TRAPPC9: variants seen among roughly 807,000 people sequenced by gnomAD.
The protein encoded by TRAPPC9 is trafficking protein particle complex subunit 9.
TRAPPC9 carries 83 observed loss-of-function variants against 124.0 expected under a neutral mutation model. That is an observed-to-expected ratio of 0.67 (90% confidence interval 0.56 to 0.80). TRAPPC9 has a LOEUF of 0.80. TRAPPC9 is among the 30% of genes least tolerant of loss of function. The pLI, the probability that TRAPPC9 is intolerant of heterozygous loss-of-function variation, is 0.00. For synonymous variants in TRAPPC9, 638 were observed against 617.5 expected, an observed-to-expected ratio of 1.03 and a Z score of -0.49; for missense variants, 1,302 against 1,508.3, an observed-to-expected ratio of 0.86 and a Z score of 2.27.
chr8:140,284,082 C>T (rs1370907203), intron 13 of TRAPPC9, 61 bp from the exon 14 acceptor site: 1 of 1,608,618 alleles, frequency 6.2e-7, no homozygotes, highest in African/African-American at 1.3e-5. Context: ...ACGCCCACGG[C>T]TGAAGCAGTG....
intron 9 of TRAPPC9, among the ~76,000 whole-genome samples, chr8:140,312,206 G>T (rs2066315823): frequency 6.6e-6 from 1 of 152,258 alleles, no homozygotes. Context: ...TGGGAGGGGT[G>T]TGAACAAGGA....
intron 16 of TRAPPC9, among the ~76,000 whole-genome samples, chr8:140,243,006 G>C (rs1311847958): frequency 1.3e-5 from 2 of 152,188 alleles, no homozygotes; most frequent in African/African-American, 4.8e-5. Flanking sequence ...AAGAGGATTT[G>C]GGCATATCGG....
upstream of TRAPPC9, chr8:140,458,523 C>A (rs771392702): frequency 1.3e-6 from 2 of 1,583,788 alleles, no homozygotes; most frequent in South Asian, 1.1e-5. Context: ...GGGCCGGCTT[C>A]CCCCTGTGTG....
intron 21 of TRAPPC9, among the ~76,000 whole-genome samples, chr8:139,856,362 A>G (rs1827798022): frequency 1.3e-5 from 2 of 152,076 alleles, no homozygotes; most frequent in Non-Finnish European, 2.9e-5. Flanking sequence ...TCCTGAAGCC[A>G]TCTCTGCTCC....
chr8:140,003,703 C>T (rs1235887383), intron 18 of TRAPPC9, among the ~76,000 whole-genome samples: 1 of 151,748 alleles, frequency 6.6e-6, no homozygotes, highest in Non-Finnish European at 1.5e-5. Flanking sequence ...GACAATACCA[C>T]ATGCTGATGA....
chr8:140,386,926 G>T (rs191158475), intron 7 of TRAPPC9, among the ~76,000 whole-genome samples: 5,163 of 152,200 alleles, frequency 0.034, 183 homozygotes, highest in African/African-American at 0.091. Flanking sequence ...ATACTACAAG[G>T]CTACAGTAAC....
chr8:140,345,883 G>A (rs555815146), intron 9 of TRAPPC9, among the ~76,000 whole-genome samples: 4 of 152,146 alleles, frequency 2.6e-5, no homozygotes, highest in Non-Finnish European at 5.9e-5. Context: ...GGACCACCTG[G>A]GGCCTGGGCC....
intron 18 of TRAPPC9, among the ~76,000 whole-genome samples, chr8:140,003,700 C>A (rs1365723086): frequency 6.6e-6 from 1 of 151,514 alleles, no homozygotes; most frequent in African/African-American, 2.4e-5. Context: ...ACTGACAATA[C>A]CACATGCTGA....
At chr8:139,956,737 G>C (rs140066213) in intron 19 of TRAPPC9, among the ~76,000 whole-genome samples, 34 of 152,302 alleles carry the variant, frequency 2.2e-4, no homozygotes, top group African/African-American at 7.7e-4. Context: ...TCCCGGCTCC[G>C]CGTAGACTCG....
chr8:139,820,007 CAAAAAAAAAAAAAAA>C (rs35064399), intron 21 of TRAPPC9, among the ~76,000 whole-genome samples: 1 of 51,810 alleles, frequency 1.9e-5, no homozygotes, highest in Non-Finnish European at 3.3e-5. Context: ...GACTCTGTCT[CAAAAAAAAAAAAAAA>C]AAAAAAAAAG....
chr8:140,275,345 T>C (rs894817357), intron 15 of TRAPPC9, among the ~76,000 whole-genome samples: 3 of 152,196 alleles, frequency 2.0e-5, no homozygotes, highest in Non-Finnish European at 2.9e-5. Flanking sequence ...AAGAAATAGT[T>C]CTGCTGAGTA....
At chr8:139,857,393 C>A (rs763921174) in intron 21 of TRAPPC9, among the ~76,000 whole-genome samples, 1 of 152,218 alleles carries the variant, frequency 6.6e-6, no homozygotes, top group Non-Finnish European at 1.5e-5. Flanking sequence ...GAGTGCGATT[C>A]TCCCCACATC....
chr8:140,059,973 G>A (rs1262481130), intron 17 of TRAPPC9, among the ~76,000 whole-genome samples: 2 of 152,160 alleles, frequency 1.3e-5, no homozygotes, highest in Non-Finnish European at 2.9e-5. Context: ...TTCTGAGTCT[G>A]CTTCCAGTGA....
chr8:140,107,116 A>G lies in TRAPPC9; in HGVS notation c.2557-83037T>C, dbSNP rs149358511. Reference sequence around the variant, plus strand: ...GATTCAAAGAAGTCCTTGGCCAAAAATACAGCAAGGACCACCATACTACAG... The same window carrying G: ...GATTCAAAGAAGTCCTTGGCCAAAAGTACAGCAAGGACCACCATACTACAG... On this transcript the variant is annotated intron_variant, in intron 17 of 22. Coordinates refer to ENST00000438773, the MANE Select transcript of TRAPPC9 (RefSeq NM_001160372.4). Among the ~76,000 whole-genome samples, 145 of 152,254 alleles carry G rather than the reference A, an allele frequency of 9.5e-4. No individual in the cohort carries two copies. The East Asian group carries it at 0.027, about 28-fold the overall frequency.
chr8:140,356,111 G>A (rs1383004986), intron 9 of TRAPPC9, among the ~76,000 whole-genome samples: 4 of 152,150 alleles, frequency 2.6e-5, no homozygotes, highest in African/African-American at 9.7e-5. Context: ...GGACAGGAAG[G>A]GCAGGGGAGA....
At chr8:139,735,521 G>A (rs16911354) in intron 21 of TRAPPC9, among the ~76,000 whole-genome samples, 4,857 of 152,258 alleles carry the variant, frequency 0.032, 259 homozygotes, top group African/African-American at 0.11. Context: ...CGAACCAGGC[G>A]CGGTCTGAGC....
intron 19 of TRAPPC9, among the ~76,000 whole-genome samples, chr8:139,926,769 G>GGAGGTAACTGGGGAGAGGGT (rs1832845677): frequency 6.6e-6 from 1 of 152,104 alleles, no homozygotes; most frequent in African/African-American, 2.4e-5. Context: ...ACAGTAGAAT[G>GGAGGTAACTGGGGAGAGGGT]GAGGTAACTG....
chr8:140,419,423 C>A (rs2070094839), intron 5 of TRAPPC9, among the ~76,000 whole-genome samples: 2 of 90,312 alleles, frequency 2.2e-5, no homozygotes, highest in Admixed American at 2.7e-4. Flanking sequence ...AGTGAGACTC[C>A]GTCTCAAAAA....
intron 17 of TRAPPC9, among the ~76,000 whole-genome samples, chr8:140,126,553 T>C (rs1485688787): frequency 6.6e-6 from 1 of 152,224 alleles, no homozygotes; most frequent in Non-Finnish European, 1.5e-5. Flanking sequence ...TCGTCTGCAG[T>C]TGAATACAAG....
Sources: gnomAD v4.1 joint callset for allele counts (sites outside exome capture counted in the v4.1 genomes callset) on GRCh38, gnomAD v4.1.1 for gene constraint, MANE v1.5 for transcripts, NCBI Gene and HGNC (gene_info 2026-07-23, HGNC 2026-07-21) for gene names.